The following INPP4B variants were observed in gnomAD, a reference collection of about 807,000 sequenced individuals.
INPP4B encodes the protein inositol polyphosphate 4-phosphatase type II.
A neutral mutation model predicts 122.5 loss-of-function variants in INPP4B; 55 were observed. The observed-to-expected ratio is 0.45, with a 90% confidence interval of 0.36 to 0.56. The LOEUF is 0.56. INPP4B is among the 20% of genes least tolerant of loss of function. The pLI is 0.00. For synonymous variants in INPP4B, 403 were observed against 388.7 expected, an observed-to-expected ratio of 1.04 and a Z score of -0.43; for missense variants, 1,000 against 1,097.7, an observed-to-expected ratio of 0.91 and a Z score of 1.26.
intron 3 of INPP4B, among the ~76,000 whole-genome samples, chr4:142,460,611 C>T (rs1054622439): frequency 1.3e-5 from 2 of 151,964 alleles, no homozygotes; most frequent in Admixed American, 6.6e-5. Context: ...AAGCAAATGG[C>T]AAGAGTAGTA....
chr4:142,694,438 C>T (rs892265458), intron 2 of INPP4B, among the ~76,000 whole-genome samples: 2 of 149,922 alleles, frequency 1.3e-5, no homozygotes, highest in Admixed American at 1.3e-4. Context: ...TTTTAGTTCA[C>T]ATGTCTTTAA....
At chr4:142,405,642 C>A (rs560591745) in intron 5 of INPP4B, among the ~76,000 whole-genome samples, 35 of 152,194 alleles carry the variant, frequency 2.3e-4, no homozygotes, top group African/African-American at 8.2e-4. Context: ...AGCCATTAAG[C>A]CCTGGGCTTT....
chr4:142,642,428 T>C (rs539901838), intron 2 of INPP4B, among the ~76,000 whole-genome samples: 1 of 152,332 alleles, frequency 6.6e-6, no homozygotes, highest in South Asian at 2.1e-4. Flanking sequence ...TTAATCCATC[T>C]TGAATTAATT....
chr4:142,680,457 C>G (rs1758462285), intron 2 of INPP4B, among the ~76,000 whole-genome samples: 1 of 151,728 alleles, frequency 6.6e-6, no homozygotes, highest in African/African-American at 2.4e-5. Flanking sequence ...ATATACATTG[C>G]TAAACAACCT....
At chr4:142,354,377 T>A (rs1426802561) in intron 7 of INPP4B, among the ~76,000 whole-genome samples, 1 of 151,992 alleles carries the variant, frequency 6.6e-6, no homozygotes, top group African/African-American at 2.4e-5. Context: ...GGCTCATTTA[T>A]ATGTAGGAAG....
At chr4:142,383,040 C>A (rs1794748035) in intron 7 of INPP4B, among the ~76,000 whole-genome samples, 2 of 151,832 alleles carry the variant, frequency 1.3e-5, no homozygotes, top group African/African-American at 4.8e-5. Context: ...TTATTAAATG[C>A]CTCTTAGCAA....
intron 1 of INPP4B, among the ~76,000 whole-genome samples, chr4:142,840,715 C>T (rs7656375): frequency 0.23 from 34,703 of 152,044 alleles, 4,195 homozygotes; most frequent in South Asian, 0.33. Flanking sequence ...AAGCATTGCA[C>T]ACTGCCACCT....
chr4:142,169,260 T>C (rs937935300), intron 16 of INPP4B, among the ~76,000 whole-genome samples: 3 of 151,684 alleles, frequency 2.0e-5, no homozygotes, highest in African/African-American at 4.8e-5. Context: ...ATTTCTGTCC[T>C]GAAATTTCAT....
At position 142,672,425 on chromosome 4, in the gene INPP4B, GTGTT is replaced by G. The variant is rs375830005; in HGVS notation, c.-191+53410_-191+53413del. The stretch of plus-strand genomic sequence containing the variant: ...TGGTAGGTACAGTGGTTTTTTGGTG[GTGTT>G]TGTTTGTTTGTTTGTTTCAGACATT... On this transcript the variant is annotated intron_variant, in intron 2 of 25. Transcript: ENST00000262992. Among the ~76,000 whole-genome samples, 96 of 152,052 alleles carry G rather than the reference GTGTT, an allele frequency of 6.3e-4. 1 individual carries two copies. The South Asian group carries it at 7.7e-3, about 12-fold the overall frequency.
chr4:142,641,147 T>A (rs1442991181), intron 2 of INPP4B, among the ~76,000 whole-genome samples: 1 of 152,152 alleles, frequency 6.6e-6, no homozygotes, highest in Non-Finnish European at 1.5e-5. Context: ...GCACTGTCTG[T>A]AATTGTCACA....
chr4:142,253,908 A>C (rs1239896131), intron 11 of INPP4B, among the ~76,000 whole-genome samples: 1 of 152,164 alleles, frequency 6.6e-6, no homozygotes, highest in Admixed American at 6.5e-5. Flanking sequence ...GGCAGGGCAC[A>C]GACAAACAGA....
chr4:142,138,513 G>C (rs1190898537), intron 18 of INPP4B, among the ~76,000 whole-genome samples: 2 of 151,828 alleles, frequency 1.3e-5, no homozygotes, highest in Non-Finnish European at 2.9e-5. Flanking sequence ...TTGTGCACAT[G>C]TACCCTAAAA....
chr4:142,505,510 C>G (rs1823914243), intron 2 of INPP4B, among the ~76,000 whole-genome samples: 1 of 151,990 alleles, frequency 6.6e-6, no homozygotes, highest in Admixed American at 6.6e-5. Context: ...TTCACTTTTT[C>G]AGGCTCAAAA....
chr4:142,067,938 A>G (rs368524329), intron 25 of INPP4B, among the ~76,000 whole-genome samples: 1 of 152,184 alleles, frequency 6.6e-6, no homozygotes, highest in Non-Finnish European at 1.5e-5. Flanking sequence ...CTTCCCCAAC[A>G]TAGCAAGGCA....
intron 22 of INPP4B, among the ~76,000 whole-genome samples, chr4:142,108,685 C>T (rs970884895): frequency 6.6e-6 from 1 of 152,112 alleles, no homozygotes; most frequent in African/African-American, 2.4e-5. Flanking sequence ...GCCAGATTTC[C>T]CAGACAGTAG....
intron 2 of INPP4B, among the ~76,000 whole-genome samples, chr4:142,605,184 G>A (rs1740974326): frequency 6.6e-6 from 1 of 152,014 alleles, no homozygotes; most frequent in African/African-American, 2.4e-5. Context: ...AATAAACGGT[G>A]CTGGGAAAAC....
At chr4:142,612,587 A>G (rs2150343677) in intron 2 of INPP4B, among the ~76,000 whole-genome samples, 1 of 152,334 alleles carries the variant, frequency 6.6e-6, no homozygotes, top group South Asian at 2.1e-4. Flanking sequence ...AGATTAGGTT[A>G]GTGTAAAAAG....
chr4:142,542,337 T>C (rs1025912537), intron 2 of INPP4B, among the ~76,000 whole-genome samples: 1 of 152,192 alleles, frequency 6.6e-6, no homozygotes, highest in African/African-American at 2.4e-5. Context: ...TAATGCATGG[T>C]TCCTATGTTC....
At chr4:142,222,124 T>A (rs2149714799) in intron 12 of INPP4B, among the ~76,000 whole-genome samples, 1 of 152,312 alleles carries the variant, frequency 6.6e-6, no homozygotes, top group East Asian at 1.9e-4. Flanking sequence ...CACACCCAGC[T>A]AATTTTTGTA....
Sources: allele counts gnomAD v4.1 joint callset (sites outside exome capture counted in the v4.1 genomes callset), GRCh38; gene constraint gnomAD v4.1.1; transcripts MANE v1.5; gene names NCBI Gene and HGNC (gene_info 2026-07-23, HGNC 2026-07-21).